Variants in FMN1 observed in about 807,000 individuals in gnomAD.
FMN1 encodes the protein formin-1.
FMN1 carries 110 observed loss-of-function variants against 132.4 expected under a neutral mutation model. That is an observed-to-expected ratio of 0.83 (90% CI 0.71 to 0.97). The LOEUF (loss-of-function observed/expected upper bound fraction) is 0.97, where lower values mean the gene tolerates loss of function less well. Ranked by LOEUF, FMN1 falls within the 50% of genes least tolerant of loss-of-function variation. The probability of loss-of-function intolerance (pLI) is 0.00; values close to 1 mark genes in which losing one functional copy is unlikely to be tolerated. For missense variants in FMN1, 1,792 were observed against 1,705.3 expected (o/e 1.05, Z -0.90); for synonymous variants, 722 against 651.7 (o/e 1.11, Z -1.64).
intron 4 of FMN1, among the ~76,000 whole-genome samples, chr15:33,142,658 T>C (rs779700080): frequency 4.1e-4 from 62 of 152,344 alleles, no homozygotes; most frequent in Middle Eastern, 6.8e-3. Context: ...GTGAGTTTTG[T>C]ACATAGCTTT....
intron 7 of FMN1, among the ~76,000 whole-genome samples, chr15:32,975,248 CT>C (rs2032108441): frequency 6.6e-6 from 1 of 152,142 alleles, no homozygotes; most frequent in Non-Finnish European, 1.5e-5. Context: ...TTCTGTTTAT[CT>C]TCTTTGCAAA....
At chr15:33,096,418 T>C (rs2039086817) in intron 4 of FMN1, among the ~76,000 whole-genome samples, 1 of 152,156 alleles carries the variant, frequency 6.6e-6, no homozygotes, top group Non-Finnish European at 1.5e-5. Context: ...GATGAACTCT[T>C]CATCAGAGCT....
intron 10 of FMN1, among the ~76,000 whole-genome samples, chr15:32,911,677 C>T (rs995916873): frequency 6.6e-6 from 1 of 152,058 alleles, no homozygotes; most frequent in Non-Finnish European, 1.5e-5. Context: ...CTTAAAATTC[C>T]TTTGCAGGCC....
intron 7 of FMN1, among the ~76,000 whole-genome samples, chr15:32,989,214 T>A (rs1043840724): frequency 2.6e-5 from 4 of 152,190 alleles, no homozygotes; most frequent in Admixed American, 2.6e-4. Flanking sequence ...TTCAACTGTT[T>A]GTTGTTTAGT....
intron 7 of FMN1, among the ~76,000 whole-genome samples, chr15:32,977,718 C>G (rs974916273): frequency 8.5e-5 from 13 of 152,150 alleles, no homozygotes; most frequent in Middle Eastern, 6.3e-3. Context: ...ATAAAAGCTT[C>G]ATAAGAGCTT....
intron 3 of FMN1, among the ~76,000 whole-genome samples, chr15:33,174,298 A>T (rs1181733259): frequency 6.6e-6 from 1 of 152,188 alleles, no homozygotes; most frequent in Non-Finnish European, 1.5e-5. Flanking sequence ...ATTGACAGAA[A>T]TTCTAAGGAA....
intron 4 of FMN1, among the ~76,000 whole-genome samples, chr15:33,121,664 G>T (rs1962571001): frequency 6.6e-6 from 1 of 150,452 alleles, no homozygotes; most frequent in South Asian, 2.1e-4. Context: ...GAGTAGCTGG[G>T]ATTACAGGTG....
chr15:32,969,279 C>G lies in FMN1; in HGVS notation c.2422G>C (p.Asp808His), dbSNP rs1430917291. Residue 808 changes from aspartate to histidine, a missense_variant, in exon 8 of 21, where the codon GAC becomes CAC. Asp to His is a moderately conservative substitution (Grantham distance 81). Around this residue, in one of 3 missense-constraint regions of FMN1, gnomAD observed 1,150 missense variants for 1,043.1 expected, o/e 1.10. Coordinates refer to ENST00000616417, the MANE Select transcript of FMN1 (RefSeq NM_001277313.2). Reference sequence around the variant, plus strand: ...CAGGGCTTGAGGAAGGTCTCTCTGTCTGTCTGGACGCACACATTTCTGAAG... The same window carrying G: ...CAGGGCTTGAGGAAGGTCTCTCTGTGTGTCTGGACGCACACATTTCTGAAG... ...KTFRNVCVQT[D>H]RETFLKPCES... 6.2e-7 allele frequency: 1 copy of G among 1,613,794 alleles called. No individual in the cohort carries two copies. The highest frequency in any genetic ancestry group is 8.5e-7 in the Non-Finnish European group (1 of 1,179,882).
At chr15:33,124,149 G>A (rs1423403059) in intron 4 of FMN1, among the ~76,000 whole-genome samples, 7 of 152,160 alleles carry the variant, frequency 4.6e-5, no homozygotes, top group Non-Finnish European at 8.8e-5. Context: ...AGATCCAATA[G>A]ATCAGCTTCA....
intron 7 of FMN1, among the ~76,000 whole-genome samples, chr15:33,001,303 T>C (rs1011869389): frequency 1.3e-5 from 2 of 152,028 alleles, no homozygotes; most frequent in African/African-American, 4.8e-5. Flanking sequence ...AAAAAAAGTG[T>C]AGCAATTTAC....
At chr15:33,069,993 C>CTCTCTCTTTT (rs398026774) in intron 5 of FMN1, among the ~76,000 whole-genome samples, 2 of 74,290 alleles carry the variant, frequency 2.7e-5, no homozygotes, top group Non-Finnish European at 4.9e-5. Flanking sequence ...CAGTCTTTCT[C>CTCTCTCTTTT]TTTTTTTTTT....
chr15:32,937,878 T>C (rs1043471093), intron 9 of FMN1, among the ~76,000 whole-genome samples: 1 of 152,182 alleles, frequency 6.6e-6, no homozygotes, highest in Admixed American at 6.5e-5. Flanking sequence ...ATATGCAAAA[T>C]AACTGAAAGG....
At chr15:32,790,634 G>C (rs1274114233) in intron 19 of FMN1, among the ~76,000 whole-genome samples, 1 of 152,162 alleles carries the variant, frequency 6.6e-6, no homozygotes, top group Non-Finnish European at 1.5e-5. Flanking sequence ...TGCCCTACTG[G>C]CTTCTGAATC....
chr15:33,121,897 G>A (rs555764783), intron 4 of FMN1, among the ~76,000 whole-genome samples: 2 of 152,298 alleles, frequency 1.3e-5, no homozygotes, highest in South Asian at 2.1e-4. Context: ...AGTAGACTTA[G>A]AGCCACAATA....
At chr15:33,118,804 G>A (rs1439873249) in intron 4 of FMN1, among the ~76,000 whole-genome samples, 2 of 151,190 alleles carry the variant, frequency 1.3e-5, no homozygotes, top group East Asian at 3.9e-4. Flanking sequence ...TATCTTTAAA[G>A]AATGGTATAA....
intron 6 of FMN1, among the ~76,000 whole-genome samples, chr15:33,053,586 C>T (rs2037078078): frequency 6.6e-6 from 1 of 152,200 alleles, no homozygotes; most frequent in Non-Finnish European, 1.5e-5. Flanking sequence ...AATATCCATA[C>T]ATCTGACTAA....
intron 6 of FMN1, chr15:33,012,510 A>T: frequency 6.8e-7 from 1 of 1,475,750 alleles, no homozygotes; most frequent in Non-Finnish European, 9.3e-7. Context: ...GAAAAATGGA[A>T]GTGATTGAAA....
At chr15:32,860,488 A>G (rs779913797) in intron 16 of FMN1, among the ~76,000 whole-genome samples, 1 of 152,126 alleles carries the variant, frequency 6.6e-6, no homozygotes, top group Non-Finnish European at 1.5e-5. Flanking sequence ...CCCTGTTTCT[A>G]CAAAAAATAC....
rs866945648 is a variant in FMN1, at chr15:32,848,783, A to G, written c.3928+8232T>C. ...ACTGGTTAAAACACCCAAATTTATA[A>G]CAAATCTGCATACGCCTATGAACCT... is the stretch of plus-strand genomic sequence containing the variant. On this transcript the variant is annotated intron_variant, in intron 17 of 20. Coordinates refer to ENST00000616417, the MANE Select transcript of FMN1 (RefSeq NM_001277313.2). Among the ~76,000 whole-genome samples, 15 of 152,304 alleles carry G rather than the reference A, an allele frequency of 9.8e-5. No homozygotes were observed. The South Asian group carries it at 2.9e-3, about 30-fold the overall frequency.
Sources: allele counts gnomAD v4.1 joint callset (sites outside exome capture counted in the v4.1 genomes callset), GRCh38; gene constraint gnomAD v4.1.1; regional missense constraint gnomAD v4.1.1; transcripts MANE v1.5; gene names NCBI Gene and HGNC (gene_info 2026-07-23, HGNC 2026-07-21).